Variants in KIF26B observed in about 807,000 individuals in gnomAD.
The protein encoded by KIF26B is kinesin family member 26B, also known as kinesin-like protein KIF26B.
Under a neutral mutation model 151.2 loss-of-function variants are expected in KIF26B, and 63 were observed. The observed-to-expected ratio is 0.42, with a 90% CI of 0.34 to 0.51. The LOEUF (loss-of-function observed/expected upper bound fraction) is 0.51. Among genes scored for constraint, KIF26B ranks in the 20% least tolerant of loss-of-function variants. The pLI is 0.07. For missense variants in KIF26B, 2,813 were observed against 2,913.6 expected (o/e 0.97, Z 0.79); for synonymous variants, 1,357 against 1,262.1 (o/e 1.08, Z -1.59).
intron 2 of KIF26B, among the ~76,000 whole-genome samples, chr1:245,226,818 T>C (rs149651404): frequency 6.6e-6 from 1 of 152,340 alleles, no homozygotes; most frequent in Non-Finnish European, 1.5e-5. Context: ...AATCATGTGC[T>C]GCCAGTCATG....
At chr1:245,370,770 G>C (rs1182594203) in intron 3 of KIF26B, 2 of 382,432 alleles carry the variant, frequency 5.2e-6, no homozygotes, top group Non-Finnish European at 1.1e-5. Flanking sequence ...TTATTTGTGC[G>C]TTTCTTTTAT....
chr1:245,573,756 G>A (rs1370974104), intron 5 of KIF26B, among the ~76,000 whole-genome samples: 2 of 152,128 alleles, frequency 1.3e-5, no homozygotes, highest in Non-Finnish European at 2.9e-5. Context: ...GACTCCCAGT[G>A]AATGCCTGAG....
rs7525090 is a variant in KIF26B, at chr1:245,200,097, C to A, written c.465+43414C>A. On this transcript the variant is annotated intron_variant, in intron 2 of 14. Coordinates refer to ENST00000407071, the MANE Select transcript of KIF26B (RefSeq NM_018012.4). ...TGTTCTAACACCCACAAGGAATGCA[C>A]ACTCTCGTTAATCCCACACGACTAT... Among the ~76,000 whole-genome samples, 282 of 152,346 alleles carry A rather than the reference C, an allele frequency of 1.9e-3. 1 individual carries two copies. Among genetic ancestry groups the A allele is most frequent in the African/African-American group, 6.5e-3 (270 of 41,578 alleles).
At chr1:245,573,477 C>T (rs1799697) in intron 5 of KIF26B, among the ~76,000 whole-genome samples, 5,092 of 152,072 alleles carry the variant, frequency 0.033, 329 homozygotes, top group African/African-American at 0.12. Context: ...GACCCAAGAT[C>T]GAGCCACTGC....
chr1:245,213,906 A>G (rs1297809873), intron 2 of KIF26B, among the ~76,000 whole-genome samples: 2 of 152,224 alleles, frequency 1.3e-5, no homozygotes, highest in Admixed American at 1.3e-4. Flanking sequence ...GTTGCCACAC[A>G]GTAAGACTCC....
At chr1:245,246,898 C>CACAG (rs1353603645) in intron 2 of KIF26B, among the ~76,000 whole-genome samples, 73 of 147,978 alleles carry the variant, frequency 4.9e-4, no homozygotes, top group Non-Finnish European at 6.5e-4. Flanking sequence ...CACACAGACA[C>CACAG]ACACACACAG....
At chr1:245,331,392 G>C (rs1488305624) in intron 2 of KIF26B, among the ~76,000 whole-genome samples, 1 of 152,132 alleles carries the variant, frequency 6.6e-6, no homozygotes, top group African/African-American at 2.4e-5. Context: ...ACAACTCAAG[G>C]TGCTCTTAAG....
intron 2 of KIF26B, among the ~76,000 whole-genome samples, chr1:245,280,142 C>A (rs938588147): frequency 5.9e-5 from 9 of 151,926 alleles, no homozygotes; most frequent in Non-Finnish European, 4.4e-5. Context: ...GCAGAAGTAG[C>A]CAGGAGTCGT....
intron 4 of KIF26B, among the ~76,000 whole-genome samples, chr1:245,459,853 A>G (rs368415006): frequency 1.3e-3 from 193 of 151,802 alleles, no homozygotes; most frequent in African/African-American, 4.3e-3. Context: ...TCAGGTTGCC[A>G]CCCACTGAAA....
At chr1:245,456,197 C>T (rs984320030) in intron 4 of KIF26B, among the ~76,000 whole-genome samples, 17 of 152,066 alleles carry the variant, frequency 1.1e-4, no homozygotes, top group Non-Finnish European at 2.2e-4. Flanking sequence ...TTAGTATAAA[C>T]TGAAAAATAA....
chr1:245,359,144 G>A (rs10924183), intron 2 of KIF26B, among the ~76,000 whole-genome samples: 6,291 of 151,900 alleles, frequency 0.041, 432 homozygotes, highest in African/African-American at 0.14. Flanking sequence ...TCAGCCTCCC[G>A]GGTAGCTGGG....
In KIF26B at chr1:245,303,006, A is replaced by G. The variant is rs1027892390; in HGVS notation, c.466-63828A>G. On this transcript the variant is annotated intron_variant, in intron 2 of 14. Transcript: ENST00000407071. ...TCTGTCTCAAAAAAAAAAAAAAAAAAAAAAAAAGAAAGAAATGGCAAATGG... is the reference window on the plus strand; with the variant it reads ...TCTGTCTCAAAAAAAAAAAAAAAAAGAAAAAAAGAAAGAAATGGCAAATGG... 1.0e-4 allele frequency among the ~76,000 whole-genome samples: 15 copies of G among 149,868 alleles called. No homozygotes were observed. In the South Asian group the frequency reaches 1.1e-3, roughly 11 times the overall value.
chr1:245,618,647 T>A (rs143523890), intron 9 of KIF26B, among the ~76,000 whole-genome samples: 516 of 136,454 alleles, frequency 3.8e-3, no homozygotes, highest in Admixed American at 0.012. Context: ...CTGTGTCCAC[T>A]GCATCAGTGT....
chr1:245,232,676 G>A (rs564866493), intron 2 of KIF26B, among the ~76,000 whole-genome samples: 1 of 151,460 alleles, frequency 6.6e-6, no homozygotes, highest in Middle Eastern at 3.4e-3. Flanking sequence ...TTAGCCTCCC[G>A]AGTAGCTGGG....
rs80110579 is a variant in KIF26B, at chr1:245,688,146, C to T, written c.5163C>T (p.Ser1721=). The stretch of plus-strand genomic sequence containing the variant: ...GCGCCGGGACCTCGCCCCCCAGCTC[C>T]GGGGCCTCGCCCAAGGCCGGCCAGT... ...GRSAGTSPPS[S]GASPKAGQSK... Residue 1721 remains serine (S), a synonymous_variant, in exon 12 of 15, where the codon TCC becomes TCT. Coordinates refer to ENST00000407071, the MANE Select transcript of KIF26B (RefSeq NM_018012.4). 7,006 of 1,593,432 alleles carry T rather than the reference C, an allele frequency of 4.4e-3. 20 individuals carry two copies. The highest frequency in any genetic ancestry group is 0.012 in the African/African-American group (903 of 74,878).
intron 3 of KIF26B, chr1:245,370,467 A>G (rs1673086384): frequency 5.7e-6 from 2 of 349,352 alleles, no homozygotes; most frequent in Admixed American, 3.8e-5. Context: ...TACTATAAAT[A>G]CAATGCTCAG....
At chr1:245,315,226 ATTGG>A (rs1444209878) in intron 2 of KIF26B, among the ~76,000 whole-genome samples, 3 of 152,194 alleles carry the variant, frequency 2.0e-5, no homozygotes, top group Non-Finnish European at 2.9e-5. Flanking sequence ...TATAATCCCC[ATTGG>A]AGTTACTGTT....
intron 2 of KIF26B, among the ~76,000 whole-genome samples, chr1:245,290,508 C>A (rs1424312706): frequency 6.6e-6 from 1 of 152,082 alleles, no homozygotes; most frequent in Non-Finnish European, 1.5e-5. Flanking sequence ...CTTTTTAGAC[C>A]ATGTAGGGTA....
intron 2 of KIF26B, among the ~76,000 whole-genome samples, chr1:245,366,147 C>T (rs1248786825): frequency 6.6e-6 from 1 of 152,108 alleles, no homozygotes; most frequent in African/African-American, 2.4e-5. Flanking sequence ...TTGCACTCAC[C>T]CCATATCATG....
Sources: gnomAD v4.1 joint callset for allele counts (sites outside exome capture counted in the v4.1 genomes callset) on GRCh38, gnomAD v4.1.1 for gene constraint, MANE v1.5 for transcripts, NCBI Gene and HGNC (gene_info 2026-07-23, HGNC 2026-07-21) for gene names.